Variants in FOXP1 observed in about 807,000 individuals in gnomAD.
FOXP1 encodes the protein forkhead box P1, also known as forkhead box protein P1.
FOXP1 carries 15 observed loss-of-function variants against 98.2 expected under a neutral mutation model. That is an observed-to-expected ratio of 0.15 (90% CI 0.10 to 0.24). The LOEUF is 0.24. Ranked by LOEUF, FOXP1 falls within the 10% of genes least tolerant of loss-of-function variation. The pLI, the probability that FOXP1 is intolerant of heterozygous loss-of-function variation, is 1.00. For missense variants in FOXP1, 633 were observed against 848.5 expected, an observed-to-expected ratio of 0.75 and a Z score of 3.15; for synonymous variants, 371 against 314.5, an observed-to-expected ratio of 1.18 and a Z score of -1.90.
chr3:71,063,441 C>G (rs991879294), intron 7 of FOXP1, among the ~76,000 whole-genome samples: 1 of 152,236 alleles, frequency 6.6e-6, no homozygotes, highest in Non-Finnish European at 1.5e-5. Flanking sequence ...CAGTGACATG[C>G]TAGCTTGCGC....
At position 71,556,158 on chromosome 3, in the gene FOXP1, C is replaced by G. The variant is rs78362593; in HGVS notation, c.-298+25391G>C. Among the ~76,000 whole-genome samples the G allele has an allele frequency of 6.1e-3, 923 of 152,078 alleles. 10 individuals carry two copies. Among genetic ancestry groups the G allele is most frequent in the African/African-American group, 0.022 (892 of 41,472 alleles). On this transcript the variant is annotated intron_variant, in intron 2 of 20. Coordinates refer to ENST00000649528, the MANE Select transcript of FOXP1 (RefSeq NM_001349338.3). ...TAAATCAAACATCACATATAAAAAC[C>G]CTGTATATAATACAAATAGGTAAAT...
Position 70,958,651 on chromosome 3 carries a change from G to T in FOXP1, c.*596C>A. On this transcript the variant is annotated 3_prime_UTR_variant, in exon 21 of 21. Coordinates refer to ENST00000649528, the MANE Select transcript of FOXP1 (RefSeq NM_001349338.3). ...AGAAGGAAAAAAAAAAAAAAAAAAA[G>T]CAATACATTAAAAAGTTTGGGATAA... 1.5e-5 allele frequency: 2 copies of T among 129,578 alleles called. No homozygotes were observed. The highest frequency in any genetic ancestry group is 1.1e-4 in the East Asian group (1 of 9,450). 8.0% of individuals were successfully genotyped at this position (129,578 alleles called of 1,614,324 possible).
chr3:71,101,158 T>C (rs1367095456), intron 7 of FOXP1, among the ~76,000 whole-genome samples: 2 of 152,054 alleles, frequency 1.3e-5, no homozygotes, highest in African/African-American at 4.8e-5. Context: ...ATGAATAACA[T>C]GCTGAGGATG....
At chr3:71,142,990 G>C (rs1447662699) in intron 6 of FOXP1, among the ~76,000 whole-genome samples, 1 of 152,074 alleles carries the variant, frequency 6.6e-6, no homozygotes, top group African/African-American at 2.4e-5. Context: ...GGCAGGGCAG[G>C]GCTTGCATAC....
At chr3:71,174,879 C>T (rs756810445) in intron 6 of FOXP1, among the ~76,000 whole-genome samples, 51 of 150,052 alleles carry the variant, frequency 3.4e-4, no homozygotes, top group Admixed American at 5.3e-4. Flanking sequence ...AAGGACACAG[C>T]AGATTGCAGG....
chr3:70,997,705 C>A (rs989243424), intron 13 of FOXP1, among the ~76,000 whole-genome samples: 3 of 152,188 alleles, frequency 2.0e-5, no homozygotes, highest in Non-Finnish European at 2.9e-5. Flanking sequence ...AATGGACAGT[C>A]GCACTAGCAA....
chr3:71,558,823 G>A (rs2107717048), intron 2 of FOXP1, among the ~76,000 whole-genome samples: 1 of 111,502 alleles, frequency 9.0e-6, no homozygotes, highest in East Asian at 2.1e-4. Context: ...TTTTTTTTGA[G>A]GCAGAGTCTC....
intron 19 of FOXP1, among the ~76,000 whole-genome samples, chr3:70,966,756 G>C (rs2034875260): frequency 6.6e-6 from 1 of 152,112 alleles, no homozygotes; most frequent in Admixed American, 6.5e-5. Context: ...TGGTGCCAAA[G>C]TACATCAATA....
intron 5 of FOXP1, among the ~76,000 whole-genome samples, chr3:71,233,826 A>C (rs538283442): frequency 2.1e-4 from 32 of 152,338 alleles, no homozygotes; most frequent in African/African-American, 7.2e-4. Flanking sequence ...AAAATGCATA[A>C]AAGTGGAATC....
At chr3:71,024,653 AC>A (rs1353797842) in intron 11 of FOXP1, among the ~76,000 whole-genome samples, 5 of 152,202 alleles carry the variant, frequency 3.3e-5, no homozygotes, top group African/African-American at 4.8e-5. Context: ...AGAGGATTTC[AC>A]ATTCCCATGT....
chr3:71,457,769 G>C (rs17718640), intron 3 of FOXP1, among the ~76,000 whole-genome samples: 44,892 of 152,046 alleles, frequency 0.3, 6,977 homozygotes, highest in Non-Finnish European at 0.34. Flanking sequence ...CACTCGAAGA[G>C]ATATGCCTGG....
At chr3:71,029,101 C>T (rs1322109816) in intron 11 of FOXP1, among the ~76,000 whole-genome samples, 1 of 152,066 alleles carries the variant, frequency 6.6e-6, no homozygotes, top group Admixed American at 6.6e-5. Flanking sequence ...GTTTGGGGAC[C>T]CCTGTCTTAC....
intron 11 of FOXP1, among the ~76,000 whole-genome samples, chr3:71,033,030 CAG>C (rs999959779): frequency 6.6e-6 from 1 of 152,142 alleles, no homozygotes. Context: ...ACAATACCAT[CAG>C]AGTTTCCAAA....
intron 5 of FOXP1, among the ~76,000 whole-genome samples, chr3:71,232,885 A>AAAAAAAAAAAAAAAAAAAAAAAG: frequency 1.4e-5 from 2 of 145,700 alleles, no homozygotes; most frequent in African/African-American, 2.5e-5. Context: ...CTCAAAAAAA[A>AAAAAAAAAAAAAAAAAAAAAAAG]AAAAAAAAAA....
At chr3:71,455,687 C>G (rs894822113) in intron 3 of FOXP1, among the ~76,000 whole-genome samples, 1 of 152,038 alleles carries the variant, frequency 6.6e-6, no homozygotes, top group Non-Finnish European at 1.5e-5. Flanking sequence ...GGAGAAGAAG[C>G]CCAAATGTTT....
intron 6 of FOXP1, among the ~76,000 whole-genome samples, chr3:71,138,943 C>T (rs1035563745): frequency 1.2e-4 from 18 of 152,236 alleles, no homozygotes; most frequent in Non-Finnish European, 2.5e-4. Flanking sequence ...CCTATAATCA[C>T]TTACACATAC....
chr3:71,191,126 T>C (rs886226003), intron 6 of FOXP1, among the ~76,000 whole-genome samples: 1 of 152,022 alleles, frequency 6.6e-6, no homozygotes, highest in Non-Finnish European at 1.5e-5. Context: ...GTTTACATTA[T>C]ATAAACATTC....
At chr3:70,973,832 A>AC (rs2036885280) in intron 17 of FOXP1, among the ~76,000 whole-genome samples, 25 of 17,908 alleles carry the variant, frequency 1.4e-3, no homozygotes, top group South Asian at 3.2e-3. Context: ...CGTTTTGCAC[A>AC]CCGCCCCCCC....
intron 4 of FOXP1, among the ~76,000 whole-genome samples, 169 bp downstream of exon 4, chr3:71,358,981 T>C (rs2078365825): frequency 6.6e-6 from 1 of 152,070 alleles, no homozygotes; most frequent in Admixed American, 6.6e-5. Context: ...ACCATAAAGC[T>C]ATCATGGGGG....
Sources: allele counts gnomAD v4.1 joint callset (sites outside exome capture counted in the v4.1 genomes callset), GRCh38; gene constraint gnomAD v4.1.1; transcripts MANE v1.5; gene names NCBI Gene and HGNC (gene_info 2026-07-23, HGNC 2026-07-21).